FBXW11: variants seen among roughly 807,000 people sequenced by gnomAD.
FBXW11 encodes the protein F-box and WD repeat domain containing 11.
A neutral mutation model predicts 77.6 loss-of-function variants in FBXW11; 19 were observed. The ratio of observed to expected loss-of-function variants is 0.24; its 90% confidence interval spans 0.17 to 0.36. The LOEUF (loss-of-function observed/expected upper bound fraction) is 0.36. Among genes scored for constraint, FBXW11 ranks in the 10% least tolerant of loss-of-function variants. FBXW11 has a pLI of 1.00. For synonymous variants in FBXW11, 235 were observed against 249.4 expected (o/e 0.94, Z 0.54); for missense variants, 334 against 704.2 (o/e 0.47, Z 5.95).
At chr5:171,905,661 C>A (rs533717521) in intron 4 of FBXW11, among the ~76,000 whole-genome samples, 2 of 138,654 alleles carry the variant, frequency 1.4e-5, no homozygotes, top group South Asian at 4.6e-4. Context: ...AGGAATCACA[C>A]AATCTCTATT....
chr5:172,005,020 T>C (rs1766647626), intron 1 of FBXW11, among the ~76,000 whole-genome samples: 1 of 152,168 alleles, frequency 6.6e-6, no homozygotes, highest in Non-Finnish European at 1.5e-5. Context: ...TTTATGCTAC[T>C]GTACTTCCAT....
intron 11 of FBXW11, among the ~76,000 whole-genome samples, chr5:171,870,105 T>C (rs891370875): frequency 6.6e-6 from 1 of 152,180 alleles, no homozygotes; most frequent in Non-Finnish European, 1.5e-5. Context: ...ACCAAATTCA[T>C]TCATCAGGGG....
intron 2 of FBXW11, among the ~76,000 whole-genome samples, chr5:171,948,831 T>A (rs1394346470): frequency 6.6e-6 from 1 of 152,246 alleles, no homozygotes; most frequent in African/African-American, 2.4e-5. Flanking sequence ...ATCATACACA[T>A]TGTTTTGGAA....
intron 1 of FBXW11, among the ~76,000 whole-genome samples, chr5:171,989,399 A>G (rs377317241): frequency 6.6e-6 from 1 of 152,284 alleles, no homozygotes; most frequent in South Asian, 2.1e-4. Flanking sequence ...AGCATTGCTC[A>G]TAACGGGATA....
chr5:171,984,382 G>T (rs1326365969), intron 1 of FBXW11, among the ~76,000 whole-genome samples: 1 of 152,142 alleles, frequency 6.6e-6, no homozygotes, highest in Non-Finnish European at 1.5e-5. Context: ...TCCAAAGCCG[G>T]AAGCTTATTA....
intron 1 of FBXW11, among the ~76,000 whole-genome samples, chr5:171,963,528 C>A (rs1764020374): frequency 6.6e-6 from 1 of 152,184 alleles, no homozygotes; most frequent in African/African-American, 2.4e-5. Context: ...TGTGCTACAG[C>A]CCATCAGTAG....
intron 1 of FBXW11, among the ~76,000 whole-genome samples, chr5:171,984,068 G>A (rs929887978): frequency 6.5e-4 from 99 of 151,216 alleles, no homozygotes; most frequent in African/African-American, 2.1e-3. Flanking sequence ...AACCACAAGA[G>A]TATATACTCT....
chr5:171,892,851 A>G (rs1012153326), intron 6 of FBXW11, among the ~76,000 whole-genome samples: 3 of 152,294 alleles, frequency 2.0e-5, no homozygotes, highest in South Asian at 2.1e-4. Context: ...CTGAGTAGCT[A>G]ATTATTTCTG....
At chr5:171,921,067 T>C (rs1298898777) in intron 2 of FBXW11, among the ~76,000 whole-genome samples, 1 of 152,234 alleles carries the variant, frequency 6.6e-6, no homozygotes, top group African/African-American at 2.4e-5. Context: ...CTGTGTCTGC[T>C]ATGGAATCTC....
intron 9 of FBXW11, among the ~76,000 whole-genome samples, chr5:171,874,114 GT>G (rs1696942763): frequency 6.6e-6 from 1 of 152,226 alleles, no homozygotes; most frequent in African/African-American, 2.4e-5. Flanking sequence ...TGCAAATCAT[GT>G]ATCTGATAAG....
At position 171,868,618 on chromosome 5, in the gene FBXW11, G is replaced by C. The variant is rs766312829; in HGVS notation, c.*17C>G. 1.2e-6 allele frequency: 2 copies of C among 1,608,612 alleles called. No individual in the cohort carries two copies. Among genetic ancestry groups the C allele is most frequent in the South Asian group, 2.2e-5 (2 of 90,484 alleles). The stretch of plus-strand genomic sequence containing the variant: ...GAGAGGATAGTACTCACCTGAAACG[G>C]GTGAAAGTGCAGACTGTTATCTAGA... On this transcript the variant is annotated 3_prime_UTR_variant, in exon 13 of 14. Transcript: ENST00000517395.
At chr5:171,872,536 G>C (rs1168328571) in intron 10 of FBXW11, among the ~76,000 whole-genome samples, 4 of 152,208 alleles carry the variant, frequency 2.6e-5, no homozygotes, top group Non-Finnish European at 5.9e-5. Flanking sequence ...GTGTTAGGTA[G>C]GGAGGTGGGA....
chr5:171,947,300 C>T (rs1763064284), intron 2 of FBXW11, among the ~76,000 whole-genome samples: 1 of 152,102 alleles, frequency 6.6e-6, no homozygotes, highest in African/African-American at 2.4e-5. Context: ...TTTGTGTTTT[C>T]CTATATTTCC....
At chr5:171,909,063 G>C (rs1760714525) in intron 4 of FBXW11, among the ~76,000 whole-genome samples, 1 of 152,126 alleles carries the variant, frequency 6.6e-6, no homozygotes, top group African/African-American at 2.4e-5. Flanking sequence ...TTCTCTATAG[G>C]AGTGAAATCT....
intron 6 of FBXW11, among the ~76,000 whole-genome samples, chr5:171,895,393 A>G (rs1561658946): frequency 6.6e-6 from 1 of 152,074 alleles, no homozygotes; most frequent in Non-Finnish European, 1.5e-5. Context: ...AAGTTTTGAC[A>G]TTTTCTGGTC....
chr5:171,974,165 T>C (rs996839073), intron 1 of FBXW11, among the ~76,000 whole-genome samples: 36 of 152,206 alleles, frequency 2.4e-4, no homozygotes, highest in Non-Finnish European at 1.5e-5. Context: ...TCAGGCACAG[T>C]GTCTCACGTC....
chr5:171,972,727 T>G (rs1469597809), intron 1 of FBXW11, among the ~76,000 whole-genome samples: 1 of 151,994 alleles, frequency 6.6e-6, no homozygotes, highest in East Asian at 2.0e-4. Flanking sequence ...GTATTTTTAG[T>G]AGAGATGGGG....
In FBXW11 at chr5:171,914,413, GGGAAAAACA is replaced by G. The variant is rs1246844378; in HGVS notation, c.148-17_148-9del. 1 of 1,568,788 alleles carries G rather than the reference GGGAAAAACA, an allele frequency of 6.4e-7. No homozygotes were observed. Among genetic ancestry groups the G allele is most frequent in the African/African-American group, 1.4e-5 (1 of 72,200 alleles). On this transcript the variant is annotated splice_polypyrimidine_tract_variant and intron_variant, in intron 2 of 13. Transcript: ENST00000517395. ...TTCCATAACTGAAGTGTTCTAGGGG[GGGAAAAACA>G]GGTTATTTGAATTATACCAAGTTTT...
chr5:171,991,200 G>A (rs1363331262), intron 1 of FBXW11, among the ~76,000 whole-genome samples: 1 of 152,112 alleles, frequency 6.6e-6, no homozygotes, highest in Non-Finnish European at 1.5e-5. Flanking sequence ...ATTGACTGTA[G>A]CTATAATGAA....
Sources: allele counts gnomAD v4.1 joint callset (sites outside exome capture counted in the v4.1 genomes callset), GRCh38; gene constraint gnomAD v4.1.1; transcripts MANE v1.5; gene names NCBI Gene and HGNC (gene_info 2026-07-23, HGNC 2026-07-21).